The following KCNJ6 variants were observed in gnomAD, a reference collection of about 807,000 sequenced individuals.
KCNJ6 encodes the protein potassium inwardly rectifying channel subfamily J member 6.
KCNJ6 carries 9 observed loss-of-function variants against 34.2 expected under a neutral mutation model. The ratio of observed to expected loss-of-function variants is 0.26; its 90% CI spans 0.16 to 0.46. KCNJ6 has a LOEUF of 0.46. Among genes scored for constraint, KCNJ6 ranks in the 20% least tolerant of loss-of-function variants. The probability of loss-of-function intolerance (pLI) is 1.00; values close to 1 mark genes in which losing one functional copy is unlikely to be tolerated. For missense variants in KCNJ6, 236 were observed against 531.3 expected, an observed-to-expected ratio of 0.44 and a Z score of 5.46; for synonymous variants, 196 against 207.1, an observed-to-expected ratio of 0.95 and a Z score of 0.46.
chr21:37,888,827 C>A (rs998356428), intron 1 of KCNJ6, among the ~76,000 whole-genome samples: 2 of 152,218 alleles, frequency 1.3e-5, no homozygotes, highest in African/African-American at 4.8e-5. Context: ...GGGGTGTGCA[C>A]CAGCAGAGGT....
At chr21:37,811,436 G>A (rs982699516) in intron 2 of KCNJ6, among the ~76,000 whole-genome samples, 5 of 152,204 alleles carry the variant, frequency 3.3e-5, no homozygotes, top group Non-Finnish European at 7.3e-5. Context: ...AGTGGGGGCA[G>A]TCTTGAGGGG....
intron 2 of KCNJ6, among the ~76,000 whole-genome samples, chr21:37,748,184 A>G (rs539804475): frequency 6.6e-6 from 1 of 152,310 alleles, no homozygotes; most frequent in South Asian, 2.1e-4. Flanking sequence ...ATACGTGAAC[A>G]CTTCCAACCC....
In KCNJ6 at chr21:37,617,010, CTCTTTCTTTCTTTCTT is replaced by C. The variant is rs769344990; in HGVS notation, c.*8133_*8148del. 2.9e-5 allele frequency: 2 copies of C among 68,058 alleles called. No homozygotes were observed. The highest frequency in any genetic ancestry group is 1.0e-4 in the African/African-American group (2 of 19,846). The allele number at this position is 68,058 out of a possible 1,614,324, so 4.2% of individuals were successfully genotyped here. The stretch of plus-strand genomic sequence containing the variant: ...CTCTTTCTTTCTTTCTCTTTCTTTT[CTCTTTCTTTCTTTCTT>C]TCTTTCTTTCTTTCTTTCTTTCTTT... On this transcript the variant is annotated 3_prime_UTR_variant, in exon 4 of 4. Coordinates refer to ENST00000609713, the MANE Select transcript of KCNJ6 (RefSeq NM_002240.5).
At chr21:37,896,155 G>A (rs1349399601) in intron 1 of KCNJ6, among the ~76,000 whole-genome samples, 1 of 152,152 alleles carries the variant, frequency 6.6e-6, no homozygotes, top group Non-Finnish European at 1.5e-5. Flanking sequence ...AGGGGGAGGT[G>A]CCACACACCT....
Position 37,626,995 on chromosome 21 carries a change from T to C in KCNJ6, c.947-1511A>G, listed in dbSNP as rs533704770. Among the ~76,000 whole-genome samples, 3 of 152,284 alleles carry C rather than the reference T, an allele frequency of 2.0e-5. No individual in the cohort carries two copies. In the South Asian group the frequency reaches 6.2e-4, roughly 32 times the overall value. The stretch of plus-strand genomic sequence containing the variant: ...GGAGAGCAGCCAGCCAGCCAGTCAG[T>C]ATGTCATCTGTTAGGACCACCAATA... On this transcript the variant is annotated intron_variant, in intron 3 of 3. Coordinates refer to ENST00000609713, the MANE Select transcript of KCNJ6 (RefSeq NM_002240.5).
At chr21:37,734,524 G>A (rs1471528042) in intron 2 of KCNJ6, among the ~76,000 whole-genome samples, 1 of 152,060 alleles carries the variant, frequency 6.6e-6, no homozygotes, top group African/African-American at 2.4e-5. Flanking sequence ...CAATTTTTGT[G>A]GTGTACAAGC....
chr21:37,794,602 C>T (rs997424441), intron 2 of KCNJ6, among the ~76,000 whole-genome samples: 2 of 152,042 alleles, frequency 1.3e-5, no homozygotes, highest in Admixed American at 1.3e-4. Flanking sequence ...TAAAAAAATT[C>T]TTTCTCCAGC....
intron 2 of KCNJ6, among the ~76,000 whole-genome samples, chr21:37,744,838 C>G (rs2054959171): frequency 1.3e-5 from 2 of 152,092 alleles, no homozygotes; most frequent in Middle Eastern, 3.2e-3. Context: ...TTTCAAACCT[C>G]TTTATATGGC....
At chr21:37,870,394 A>G (rs2055645138) in intron 1 of KCNJ6, among the ~76,000 whole-genome samples, 1 of 152,186 alleles carries the variant, frequency 6.6e-6, no homozygotes, top group African/African-American at 2.4e-5. Flanking sequence ...TTTGAAGCTC[A>G]GTATTTCTCT....
intron 1 of KCNJ6, among the ~76,000 whole-genome samples, chr21:37,913,194 C>G (rs906419216): frequency 1.3e-5 from 2 of 152,168 alleles, no homozygotes; most frequent in African/African-American, 4.8e-5. Flanking sequence ...ACCAGCTTCT[C>G]GTAAAGTGAG....
chr21:37,781,507 A>G (rs1016078401), intron 2 of KCNJ6, among the ~76,000 whole-genome samples: 1 of 152,218 alleles, frequency 6.6e-6, no homozygotes, highest in African/African-American at 2.4e-5. Flanking sequence ...AGAGGCTTGC[A>G]GCATACAAGG....
At position 37,614,078 on chromosome 21, in the gene KCNJ6, T is replaced by C. The variant is rs927788385; in HGVS notation, c.*11081A>G. 1.3e-5 allele frequency: 2 copies of C among 151,984 alleles called. No individual in the cohort carries two copies. Among genetic ancestry groups the C allele is most frequent in the Non-Finnish European group, 2.9e-5 (2 of 68,006 alleles). The allele number at this position is 151,984 out of a possible 1,614,324, so 9.4% of individuals were successfully genotyped here. ...TTAATGCTGCTCTAAAAAATAAAAT[T>C]TATCAAGTTTTTAAAAAAGGGGTGG... On this transcript the variant is annotated 3_prime_UTR_variant, in exon 4 of 4. Transcript: ENST00000609713.
Position 37,611,078 on chromosome 21 carries a change from A to G in KCNJ6, c.*14081T>C, listed in dbSNP as rs2054241320. On this transcript the variant is annotated 3_prime_UTR_variant, in exon 4 of 4. Transcript: ENST00000609713. ...TTTGAAAAGATCAATAAGCTCCATA[A>G]GTCTCAAGGCATGCTAACTAAGAAA... The G allele has an allele frequency of 6.6e-6, 1 of 152,200 alleles. No individual in the cohort carries two copies. Among genetic ancestry groups the G allele is most frequent in the Non-Finnish European group, 1.5e-5 (1 of 68,016 alleles). The allele number at this position is 152,200 out of a possible 1,614,324, so 9.4% of individuals were successfully genotyped here. A position where few individuals can be genotyped will look rare whatever the true frequency, so the allele number is the denominator to read the frequency against.
At chr21:37,711,800 C>CT (rs1432908076) in intron 3 of KCNJ6, among the ~76,000 whole-genome samples, 3 of 148,860 alleles carry the variant, frequency 2.0e-5, no homozygotes, top group African/African-American at 7.6e-5. Flanking sequence ...TTCTAGAACC[C>CT]CCCCCCCAAG....
At position 37,714,086 on chromosome 21, in the gene KCNJ6, G is replaced by T; in HGVS notation, c.946+125C>A. The T allele has an allele frequency of 1.4e-6, 1 of 730,696 alleles. No homozygotes were observed. Among genetic ancestry groups the T allele is most frequent in the Non-Finnish European group, 2.3e-6 (1 of 427,230 alleles). The allele number at this position is 730,696 out of a possible 1,614,324, so 45.3% of individuals were successfully genotyped here. A position where few individuals can be genotyped will look rare whatever the true frequency, so the allele number is the denominator to read the frequency against. On this transcript the variant is annotated intron_variant, in intron 3 of 3. Transcript: ENST00000609713. This position sits in a 1 kb window ranked among gnomAD's most constrained non-coding sequence, Gnocchi z 5.9. ...ACATGTAGGCATACTATGTCATGAAGCAAGGGGATGTTGTCAATATTGAGT... is the reference window on the plus strand; with the variant it reads ...ACATGTAGGCATACTATGTCATGAATCAAGGGGATGTTGTCAATATTGAGT...
At chr21:37,711,210 C>G (rs1376940286) in intron 3 of KCNJ6, among the ~76,000 whole-genome samples, 1 of 152,238 alleles carries the variant, frequency 6.6e-6, no homozygotes, top group Non-Finnish European at 1.5e-5. Flanking sequence ...CACCACTCGC[C>G]TGCACCGGGC....
intron 2 of KCNJ6, among the ~76,000 whole-genome samples, chr21:37,722,440 T>C (rs1471231547): frequency 1.3e-5 from 2 of 152,176 alleles, no homozygotes; most frequent in African/African-American, 4.8e-5. Context: ...TAAAAACTGT[T>C]CTAAAATTCA....
chr21:37,747,983 G>T (rs1460009704), intron 2 of KCNJ6, among the ~76,000 whole-genome samples: 2 of 152,196 alleles, frequency 1.3e-5, no homozygotes, highest in South Asian at 2.1e-4. Flanking sequence ...AGACCTTGGA[G>T]ACCCAGTGAT....
At chr21:37,907,341 CA>C (rs757987692) in intron 1 of KCNJ6, among the ~76,000 whole-genome samples, 5 of 150,902 alleles carry the variant, frequency 3.3e-5, no homozygotes, top group African/African-American at 7.3e-5. Context: ...AAATGTGATT[CA>C]TTTTTTTTAT....
Sources: allele counts gnomAD v4.1 joint callset (sites outside exome capture counted in the v4.1 genomes callset), GRCh38; gene constraint gnomAD v4.1.1; non-coding constraint Gnocchi (gnomAD v3.1); transcripts MANE v1.5; gene names NCBI Gene and HGNC (gene_info 2026-07-23, HGNC 2026-07-21).